Variants in NKAIN2 observed in about 807,000 individuals in gnomAD.
The protein encoded by NKAIN2 is sodium/potassium transporting ATPase interacting 2, also known as sodium/potassium-transporting ATPase subunit beta-1-interacting protein 2.
In NKAIN2, 14 loss-of-function variants were observed where a neutral mutation model predicts 32.6. The observed-to-expected ratio is 0.43, with a 90% CI of 0.28 to 0.67. NKAIN2 has a LOEUF of 0.67. Ranked by LOEUF, NKAIN2 falls within the 30% of genes least tolerant of loss-of-function variation. NKAIN2 has a pLI of 0.17. For missense variants in NKAIN2, 198 were observed against 258.3 expected, an observed-to-expected ratio of 0.77 and a Z score of 1.60; for synonymous variants, 80 against 87.2, an observed-to-expected ratio of 0.92 and a Z score of 0.46.
intron 1 of NKAIN2, among the ~76,000 whole-genome samples, chr6:124,088,073 A>G (rs758338193): frequency 1.6e-4 from 25 of 152,034 alleles, no homozygotes; most frequent in Admixed American, 1.0e-3. Context: ...CAACCTTAAC[A>G]GTAGTTGTAA....
intron 1 of NKAIN2, among the ~76,000 whole-genome samples, chr6:123,988,802 A>G (rs956048048): frequency 2.0e-5 from 3 of 152,208 alleles, no homozygotes; most frequent in African/African-American, 4.8e-5. Flanking sequence ...AGAAATCATA[A>G]CATTCTTTTT....
intron 3 of NKAIN2, among the ~76,000 whole-genome samples, chr6:124,524,967 G>C (rs2114806264): frequency 6.6e-6 from 1 of 152,250 alleles, no homozygotes; most frequent in African/African-American, 2.4e-5. Flanking sequence ...GTACAGCCAG[G>C]GAAGATTCCT....
chr6:123,889,129 CA>C (rs1562241013), intron 1 of NKAIN2, among the ~76,000 whole-genome samples: 1 of 152,096 alleles, frequency 6.6e-6, no homozygotes, highest in Non-Finnish European at 1.5e-5. Context: ...ATCATAAATC[CA>C]AACCAGAACA....
intron 4 of NKAIN2, among the ~76,000 whole-genome samples, chr6:124,706,918 GC>G (rs1367819818): frequency 3.3e-5 from 5 of 151,794 alleles, no homozygotes; most frequent in Admixed American, 3.3e-4. Context: ...GTATACATGT[GC>G]CATGCTGGTG....
At chr6:123,862,033 AC>A (rs975068206) in intron 1 of NKAIN2, among the ~76,000 whole-genome samples, 21 of 152,172 alleles carry the variant, frequency 1.4e-4, no homozygotes, top group Non-Finnish European at 2.9e-4. Flanking sequence ...TATTACTACC[AC>A]TGACATTCTT....
At chr6:123,858,117 A>T (rs1004467671) in intron 1 of NKAIN2, among the ~76,000 whole-genome samples, 19 of 149,628 alleles carry the variant, frequency 1.3e-4, no homozygotes, top group Non-Finnish European at 2.1e-4. Flanking sequence ...CATTATTATT[A>T]TTATTTTTTT....
chr6:124,702,780 G>A (rs914109515), intron 4 of NKAIN2, among the ~76,000 whole-genome samples: 3 of 151,936 alleles, frequency 2.0e-5, no homozygotes, highest in Non-Finnish European at 2.9e-5. Context: ...ACAATTCCAC[G>A]CCCTAAAGGC....
At chr6:124,550,154 GTTTA>G (rs746982614) in intron 3 of NKAIN2, among the ~76,000 whole-genome samples, 23 of 151,982 alleles carry the variant, frequency 1.5e-4, no homozygotes, top group Non-Finnish European at 3.1e-4. Flanking sequence ...TTTCTCTCCT[GTTTA>G]TTTAGTTAGC....
At chr6:124,299,190 G>A (rs753355909) in intron 2 of NKAIN2, among the ~76,000 whole-genome samples, 3 of 152,312 alleles carry the variant, frequency 2.0e-5, no homozygotes, top group South Asian at 2.1e-4. Context: ...CACAGCAGCA[G>A]AAACAGCAGC....
chr6:124,429,258 G>A (rs990130972), intron 3 of NKAIN2, among the ~76,000 whole-genome samples: 35 of 151,640 alleles, frequency 2.3e-4, no homozygotes, highest in African/African-American at 8.2e-4. Flanking sequence ...GTTTTGGTCA[G>A]GCTGGTCTTG....
intron 1 of NKAIN2, among the ~76,000 whole-genome samples, chr6:124,137,612 A>C (rs890260124): frequency 6.6e-6 from 1 of 152,190 alleles, no homozygotes; most frequent in African/African-American, 2.4e-5. Flanking sequence ...ATTTCTTGCT[A>C]TATTACCAGA....
chr6:124,626,443 TCA>T (rs67093274), intron 3 of NKAIN2, among the ~76,000 whole-genome samples: 56,867 of 151,640 alleles, frequency 0.38, 11,764 homozygotes, highest in Middle Eastern at 0.5. Context: ...ACTGTTATTA[TCA>T]GCTTTATACA....
intron 3 of NKAIN2, among the ~76,000 whole-genome samples, chr6:124,463,024 A>G (rs1776594977): frequency 6.6e-6 from 1 of 152,108 alleles, no homozygotes; most frequent in African/African-American, 2.4e-5. Flanking sequence ...AAAATCAGCC[A>G]ACAGAGTGAT....
At chr6:124,742,609 T>G (rs1318957411) in intron 4 of NKAIN2, among the ~76,000 whole-genome samples, 1 of 151,832 alleles carries the variant, frequency 6.6e-6, no homozygotes, top group Non-Finnish European at 1.5e-5. Context: ...ATATATTGGT[T>G]CTCTTTTTGG....
intron 4 of NKAIN2, among the ~76,000 whole-genome samples, chr6:124,659,193 T>C (rs546606746): frequency 1.3e-5 from 2 of 152,312 alleles, no homozygotes; most frequent in South Asian, 4.1e-4. Context: ...AGATCTTAAA[T>C]GCAGAACTGC....
intron 1 of NKAIN2, among the ~76,000 whole-genome samples, chr6:124,089,445 T>C (rs545508961): frequency 6.6e-6 from 1 of 152,094 alleles, no homozygotes; most frequent in East Asian, 1.9e-4. Context: ...ACTGCTTTGA[T>C]TTTGTAAACC....
intron 3 of NKAIN2, among the ~76,000 whole-genome samples, chr6:124,468,335 C>A (rs909715572): frequency 6.6e-6 from 1 of 152,068 alleles, no homozygotes; most frequent in Non-Finnish European, 1.5e-5. Flanking sequence ...ATAGCAAAAT[C>A]CTGAAATCTT....
At chr6:123,808,273 T>C (rs1016776104) in intron 1 of NKAIN2, among the ~76,000 whole-genome samples, 13 of 152,118 alleles carry the variant, frequency 8.5e-5, no homozygotes, top group African/African-American at 3.1e-4. Context: ...AATTTTAACT[T>C]TTTAGGATTC....
chr6:124,516,387 T>C (rs534323147), intron 3 of NKAIN2, among the ~76,000 whole-genome samples: 2 of 151,622 alleles, frequency 1.3e-5, no homozygotes, highest in South Asian at 4.2e-4. Context: ...TTTTGTGTTA[T>C]TTTTTTTCAG....
Sources: gnomAD v4.1 joint callset for allele counts (sites outside exome capture counted in the v4.1 genomes callset) on GRCh38, gnomAD v4.1.1 for gene constraint, MANE v1.5 for transcripts, NCBI Gene and HGNC (gene_info 2026-07-23, HGNC 2026-07-21) for gene names.